CFAP52: variants seen among roughly 807,000 people sequenced by gnomAD.
The protein encoded by CFAP52 is cilia and flagella associated protein 52.
CFAP52 carries 57 observed loss-of-function variants against 70.5 expected under a neutral mutation model. The ratio of observed to expected loss-of-function variants is 0.81; its 90% CI spans 0.65 to 1.01. The LOEUF (loss-of-function observed/expected upper bound fraction) is 1.01. Among genes scored for constraint, CFAP52 ranks in the 50% least tolerant of loss-of-function variants. The pLI is 0.00. For missense variants in CFAP52, 785 were observed against 788.5 expected (o/e 1.00, Z 0.05); for synonymous variants, 267 against 292.5 (o/e 0.91, Z 0.89).
chr17:9,605,676 C>A lies in CFAP52; in HGVS notation c.754-2443C>A, dbSNP rs894412521. Among the ~76,000 whole-genome samples the A allele has an allele frequency of 1.5e-4, 16 of 107,114 alleles. No individual in the cohort carries two copies. In the East Asian group the frequency reaches 2.2e-3, roughly 15 times the overall value. The allele number at this position is 107,114 out of a possible 152,430, so 70.3% of individuals were successfully genotyped here. On this transcript the variant is annotated intron_variant, in intron 6 of 13. Transcript: ENST00000352665. ...GCGCCCCTGCACTTCAGCCTGGCGACAGAGTGAGACTCCATCTGAAAAAAA... is the reference window on the plus strand; with the variant it reads ...GCGCCCCTGCACTTCAGCCTGGCGAAAGAGTGAGACTCCATCTGAAAAAAA...
chr17:9,600,257 T>TA, intron 6 of CFAP52, 74 bp downstream of exon 6: 1 of 1,269,972 alleles, frequency 7.9e-7, no homozygotes, highest in Admixed American at 1.8e-5. Context: ...TTTTTTCCTT[T>TA]TTGAGATGCA....
At chr17:9,640,188 G>A (rs1365419252) in intron 12 of CFAP52, among the ~76,000 whole-genome samples, 5 of 151,328 alleles carry the variant, frequency 3.3e-5, no homozygotes, top group Admixed American at 6.6e-5. Context: ...TGAAATGCAC[G>A]TGCAGGTTTG....
chr17:9,612,553 T>C, intron 8 of CFAP52, 74 bp downstream of exon 8: 1 of 1,480,412 alleles, frequency 6.8e-7, no homozygotes, highest in Non-Finnish European at 9.1e-7. Flanking sequence ...ATGAATGCAT[T>C]TTCAATATTA....
intron 2 of CFAP52, 130 bp downstream of exon 2, chr17:9,586,102 T>C: frequency 2.1e-6 from 2 of 951,140 alleles, no homozygotes; most frequent in Non-Finnish European, 3.1e-6. Flanking sequence ...TTTTGACTTC[T>C]CTTTTAACCC....
chr17:9,600,665 C>T (rs1027075240), intron 6 of CFAP52, among the ~76,000 whole-genome samples: 15 of 151,900 alleles, frequency 9.9e-5, no homozygotes, highest in African/African-American at 2.4e-4. Context: ...CCTGGGTTCA[C>T]GCCATTCTCC....
chr17:9,588,746 A>G (rs76635578), intron 3 of CFAP52, among the ~76,000 whole-genome samples: 3,972 of 150,894 alleles, frequency 0.026, 171 homozygotes, highest in African/African-American at 0.092. Context: ...TCCATACCCA[A>G]TAGAATATTT....
chr17:9,628,521 A>C, intron 8 of CFAP52, 151 bp from the exon 9 acceptor site: 1 of 986,408 alleles, frequency 1.0e-6, no homozygotes, highest in Non-Finnish European at 1.5e-6. Context: ...CTCGTGATCC[A>C]CCCCCCTGGC....
At chr17:9,579,647 A>C (rs1908124165) in intron 1 of CFAP52, among the ~76,000 whole-genome samples, 1 of 152,166 alleles carries the variant, frequency 6.6e-6, no homozygotes, top group African/African-American at 2.4e-5. Context: ...AGCTCACTGC[A>C]ACCTCTGCCT....
intron 10 of CFAP52, among the ~76,000 whole-genome samples, chr17:9,634,255 T>C (rs1910679842): frequency 6.6e-6 from 1 of 152,208 alleles, no homozygotes; most frequent in African/African-American, 2.4e-5. Context: ...TTTGTGCTCA[T>C]CTTATTTTTC....
chr17:9,585,669 T>TCA (rs371551896), intron 1 of CFAP52, 104 bp from the exon 2 acceptor site: 12,231 of 1,017,700 alleles, frequency 0.012, 56 homozygotes, highest in South Asian at 0.037. Flanking sequence ...CAAGACTCTG[T>TCA]CACACACACA....
chr17:9,640,817 T>C (rs1373927100), intron 12 of CFAP52, among the ~76,000 whole-genome samples: 2 of 152,134 alleles, frequency 1.3e-5, no homozygotes, highest in Non-Finnish European at 2.9e-5. Context: ...CTAATTTTTG[T>C]ATTTTTAGTA....
chr17:9,599,862 C>T (rs1383492412), intron 5 of CFAP52, among the ~76,000 whole-genome samples: 1 of 152,050 alleles, frequency 6.6e-6, no homozygotes, highest in African/African-American at 2.4e-5. Context: ...CTACCTCAGC[C>T]TCCCGAGTAG....
In CFAP52 at chr17:9,632,873, T is replaced by A. The variant is rs755992736; in HGVS notation, c.1175-15T>A. The A allele has an allele frequency of 1.4e-5, 22 of 1,613,114 alleles. No individual in the cohort carries two copies. The Admixed American group carries it at 3.5e-4, about 26-fold the overall frequency. ...ATACTGATCCTGCCTGCCTTTTGTT[T>A]CCCTTTCATGCCAGCATGGAACGAC... On this transcript the variant is annotated splice_polypyrimidine_tract_variant and intron_variant, in intron 9 of 13. Coordinates refer to ENST00000352665, the MANE Select transcript of CFAP52 (RefSeq NM_145054.5).
chr17:9,587,013 C>T (rs993278447), intron 3 of CFAP52, among the ~76,000 whole-genome samples, 179 bp downstream of exon 3: 9 of 274 alleles, frequency 0.033, no homozygotes, highest in Non-Finnish European at 0.064. Context: ...CTGATCCTCT[C>T]CCTCTCCCAC....
intron 9 of CFAP52, 115 bp from the exon 10 acceptor site, chr17:9,632,771 CTT>C: frequency 7.0e-7 from 1 of 1,425,984 alleles, no homozygotes; most frequent in Non-Finnish European, 9.3e-7. Flanking sequence ...GAGCTGGTCT[CTT>C]TCCTCCAGCA....
At position 9,596,059 on chromosome 17, in the gene CFAP52, GTATATATATATATATA is replaced by G. The variant is rs796314327; in HGVS notation, c.536+1766_536+1781del. 8.7e-3 allele frequency among the ~76,000 whole-genome samples: 743 copies of G among 85,220 alleles called. 16 individuals are homozygous for G. Among genetic ancestry groups the G allele is most frequent in the African/African-American group, 0.028 (617 of 22,424 alleles). 55.9% of individuals were successfully genotyped at this position (85,220 alleles called of 152,430 possible). A position where few individuals can be genotyped will look rare whatever the true frequency, so the allele number is the denominator to read the frequency against. ...TATGTATGTAGATATATATGTGTGT[GTATATATATATATATA>G]TATATATATATATATATATATATAT... On this transcript the variant is annotated intron_variant, in intron 4 of 13. Transcript: ENST00000352665.
intron 1 of CFAP52, among the ~76,000 whole-genome samples, chr17:9,581,373 A>C (rs1179418344): frequency 5.9e-5 from 9 of 152,214 alleles, no homozygotes; most frequent in Non-Finnish European, 1.0e-4. Context: ...GTGCAATTTG[A>C]TACTGTACAA....
At chr17:9,645,554 G>A (rs1911307861), downstream of CFAP52, 2 of 1,148,148 alleles carry the variant, frequency 1.7e-6, no homozygotes, top group Admixed American at 4.7e-5. This position sits in a 1 kb window ranked among gnomAD's most constrained non-coding sequence, Gnocchi z 6.8. Context: ...AGGAGCCTTA[G>A]AGAAGCTGTA....
chr17:9,583,278 G>GA lies in CFAP52; in HGVS notation c.71-2487dup, dbSNP rs531793571. ...TAAAAAAGGAACACTCAATTAAAAT[G>GA]AAAAAAAATCATTTATTCAATAATT... On this transcript the variant is annotated intron_variant, in intron 1 of 13. Coordinates refer to ENST00000352665, the MANE Select transcript of CFAP52 (RefSeq NM_145054.5). Among the ~76,000 whole-genome samples the GA allele has an allele frequency of 1.5e-4, 23 of 151,550 alleles. No individual in the cohort carries two copies. The South Asian group carries it at 2.7e-3, about 18-fold the overall frequency.
Sources: allele counts gnomAD v4.1 joint callset (sites outside exome capture counted in the v4.1 genomes callset), GRCh38; gene constraint gnomAD v4.1.1; non-coding constraint Gnocchi (gnomAD v3.1); transcripts MANE v1.5; gene names NCBI Gene and HGNC (gene_info 2026-07-23, HGNC 2026-07-21).